Variants in ABCG5 observed in about 807,000 individuals in gnomAD.
ABCG5 encodes ATP-binding cassette sub-family G member 5.
ABCG5 carries 64 observed loss-of-function variants against 64.5 expected under a neutral mutation model. That is an observed-to-expected ratio of 0.99 (90% CI 0.81 to 1.22). The LOEUF is 1.22. Ranked by LOEUF, ABCG5 falls within the 50% of genes most tolerant of loss-of-function variation. The probability of loss-of-function intolerance (pLI) is 0.00; values close to 1 mark genes in which losing one functional copy is unlikely to be tolerated. For synonymous variants in ABCG5, 385 were observed against 326.3 expected (o/e 1.18, Z -1.94); for missense variants, 908 against 829.5 (o/e 1.09, Z -1.16).
downstream of ABCG5, chr2:43,809,813 A>T (rs762046678): frequency 4.5e-6 from 7 of 1,566,044 alleles, no homozygotes; most frequent in Non-Finnish European, 5.2e-6. Context: ...TCCAAATACA[A>T]ATAAGATTAT....
chr2:43,825,220 ATC>A (rs1667522035), intron 6 of ABCG5, among the ~76,000 whole-genome samples: 1 of 152,118 alleles, frequency 6.6e-6, no homozygotes, highest in Non-Finnish European at 1.5e-5. Context: ...TTCGAAATGC[ATC>A]CCTACCCTTG....
chr2:43,829,843 G>T lies in ABCG5; in HGVS notation c.502-1728C>A, dbSNP rs77663628. ...TGACTTGTGGACCAACATTCAAGAG[G>T]AGTCAGGGAGTGGGGTTGACGGCAT... On this transcript the variant is annotated intron_variant, in intron 4 of 12. Coordinates refer to ENST00000405322, the MANE Select transcript of ABCG5 (RefSeq NM_022436.3). Among the ~76,000 whole-genome samples the T allele has an allele frequency of 1.8e-4, 27 of 152,340 alleles. No individual in the cohort carries two copies. In the East Asian group the frequency reaches 4.8e-3, roughly 27 times the overall value.
Position 43,831,827 on chromosome 2 carries a change from A to G in ABCG5, c.443T>C (p.Leu148Pro), listed in dbSNP as rs1301290696. The G allele has an allele frequency of 6.3e-7, 1 of 1,587,772 alleles. No homozygotes were observed. The highest frequency in any genetic ancestry group is 1.3e-5 in the African/African-American group (1 of 74,654). Residue 148 changes from leucine to proline, a missense_variant, in exon 4 of 13, where the codon CTG (leucine) becomes CCG (proline). Transcript: ENST00000405322. ...LLSSLTVRETLHYTALLAIRR... is the reference protein window; with the variant it reads ...LLSSLTVRETPHYTALLAIRR... ...GATGGCCAGCAGCGCGGTGTAGTGCAGCGTCTCGCGCACGGTGAGGCTGCT... is the reference window on the plus strand; with the variant it reads ...GATGGCCAGCAGCGCGGTGTAGTGCGGCGTCTCGCGCACGGTGAGGCTGCT...
rs370772513 is a variant in ABCG5, at chr2:43,813,151, C to G, written c.1921G>C (p.Val641Leu). The stretch of plus-strand genomic sequence containing the variant: ...ATGAGATGATCCCTTATTTTGAAAA[C>G]AACTATTCCTAGGATGACAAGAGCT... ...IPALVILGIV[V>L]FKIRDHLISR is the part of the protein sequence containing the mutation. The change falls in exon 13 of 13, where the codon GTT (valine) becomes CTT (leucine). Residue 641 changes from valine to leucine, a missense_variant. By Grantham distance (32) the Val-to-Leu change is conservative. Coordinates refer to ENST00000405322, the MANE Select transcript of ABCG5 (RefSeq NM_022436.3). 6.9e-7 allele frequency: 1 copy of G among 1,457,440 alleles called. No homozygotes were observed. 90.3% of individuals were successfully genotyped at this position (1,457,440 alleles called of 1,614,324 possible).
chr2:43,825,056 A>G, intron 6 of ABCG5, 38 bp from the exon 7 acceptor site: 1 of 1,609,452 alleles, frequency 6.2e-7, no homozygotes, highest in Non-Finnish European at 8.5e-7. Flanking sequence ...TGTGATCACA[A>G]GGGTAGCGAT....
intron 9 of ABCG5, among the ~76,000 whole-genome samples, chr2:43,823,239 G>C (rs1667359970): frequency 6.6e-6 from 1 of 152,112 alleles, no homozygotes; most frequent in Admixed American, 6.5e-5. Context: ...TAAGTGATTT[G>C]AAGCACTTTG....
chr2:43,808,530 C>A (rs1410409917), downstream of ABCG5, among the ~76,000 whole-genome samples: 5 of 152,168 alleles, frequency 3.3e-5, no homozygotes, highest in Admixed American at 2.6e-4. Flanking sequence ...CATTGAACAA[C>A]ATGTAGGAGG....
chr2:43,837,744 G>A (rs1668369969), intron 2 of ABCG5, 90 bp downstream of exon 2: 2 of 1,559,000 alleles, frequency 1.3e-6, no homozygotes, highest in South Asian at 2.2e-5. Context: ...TATCAAACCT[G>A]TGGCTTTCTT....
chr2:43,826,484 G>A lies in ABCG5; in HGVS notation c.672C>T (p.Asp224=). ...CGACAATCTGATTAGCAGTCATGCAGTCCAGGCCTGTGGTTGGCTCATCAA... is the reference window on the plus strand; with the variant it reads ...CGACAATCTGATTAGCAGTCATGCAATCCAGGCCTGTGGTTGGCTCATCAA... ...MLFDEPTTGL[D]CMTANQIVVL... is the part of the protein sequence containing the mutation. The change falls in exon 6 of 13, where the codon GAC becomes GAT. Residue 224 remains aspartate (D), a synonymous_variant. Transcript: ENST00000405322. 1 of 1,614,188 alleles carries A rather than the reference G, an allele frequency of 6.2e-7. No homozygotes were observed. Among genetic ancestry groups the A allele is most frequent in the Admixed American group, 1.7e-5 (1 of 60,024 alleles).
chr2:43,828,734 G>C (rs2104848320), intron 4 of ABCG5, among the ~76,000 whole-genome samples: 1 of 152,148 alleles, frequency 6.6e-6, no homozygotes, highest in African/African-American at 2.4e-5. Flanking sequence ...GGGAGGTCGA[G>C]GTGGGTGGAT....
chr2:43,808,989 A>C (rs1666378573), downstream of ABCG5, among the ~76,000 whole-genome samples: 1 of 151,806 alleles, frequency 6.6e-6, no homozygotes, highest in South Asian at 2.1e-4. Context: ...ACACACACAC[A>C]CACACACACA....
intron 4 of ABCG5, among the ~76,000 whole-genome samples, chr2:43,831,166 AATTT>A (rs1384977617): frequency 6.6e-6 from 1 of 152,140 alleles, no homozygotes; most frequent in African/African-American, 2.4e-5. Flanking sequence ...TACTTTTTGA[AATTT>A]ATTTATTTAT....
chr2:43,807,685 C>T (rs1443851024), downstream of ABCG5, among the ~76,000 whole-genome samples: 1 of 125,254 alleles, frequency 8.0e-6, no homozygotes, highest in Non-Finnish European at 1.6e-5. Flanking sequence ...TCCCAAAGTG[C>T]TGGGATTACA....
At chr2:43,837,439 G>A (rs1668348457) in intron 2 of ABCG5, among the ~76,000 whole-genome samples, 1 of 152,082 alleles carries the variant, frequency 6.6e-6, no homozygotes, top group Non-Finnish European at 1.5e-5. Context: ...ATTCTTGATT[G>A]TATGTCCAAA....
chr2:43,831,803 A>G lies in ABCG5; in HGVS notation c.467T>C (p.Ile156Thr). Residue 156 changes from isoleucine to threonine, a missense_variant, in exon 4 of 13, where the codon ATC becomes ACC. By Grantham distance (89) the Ile-to-Thr change is moderately conservative. Transcript: ENST00000405322. ...GAAGGAGCCGGGATTGCCGCGGCGG[A>G]TGGCCAGCAGCGCGGTGTAGTGCAG... ...ETLHYTALLA[I>T]RRGNPGSFQK... 1 of 1,589,308 alleles carries G rather than the reference A, an allele frequency of 6.3e-7. No homozygotes were observed. The highest frequency in any genetic ancestry group is 8.5e-7 in the Non-Finnish European group (1 of 1,170,188).
At chr2:43,828,171 T>A (rs1252746506) in intron 4 of ABCG5, 56 bp from the exon 5 acceptor site, 27 of 1,611,458 alleles carry the variant, frequency 1.7e-5, no homozygotes, top group Non-Finnish European at 2.3e-5. Context: ...GCTATTTCAA[T>A]TCATGGGCTG....
chr2:43,838,808 G>C lies in ABCG5; in HGVS notation c.-129C>G. 6.6e-7 allele frequency: 1 copy of C among 1,519,642 alleles called. No homozygotes were observed. Among genetic ancestry groups the C allele is most frequent in the South Asian group, 1.2e-5 (1 of 82,242 alleles). The allele number at this position is 1,519,642 out of a possible 1,614,324, so 94.1% of individuals were successfully genotyped here. Reference sequence around the variant, plus strand: ...GACCCCGGAGTCCCTTGGGACAGCAGGACTGGGACTTGGCCACGGAGACCA... The same window carrying C: ...GACCCCGGAGTCCCTTGGGACAGCACGACTGGGACTTGGCCACGGAGACCA... On this transcript the variant is annotated 5_prime_UTR_variant, in exon 1 of 13. Transcript: ENST00000405322. The surrounding 1 kb of genome is among the most constrained non-coding windows in gnomAD (Gnocchi z 4.2).
downstream of ABCG5, chr2:43,810,299 A>G (rs1666438031): frequency 8.6e-6 from 8 of 931,044 alleles, no homozygotes; most frequent in Middle Eastern, 1.1e-3. Flanking sequence ...GTGGTCTGGA[A>G]TGGGGCATTT....
chr2:43,825,012 C>A lies in ABCG5; in HGVS notation c.781G>T (p.Asp261Tyr). 1 of 1,613,662 alleles carries A rather than the reference C, an allele frequency of 6.2e-7. No individual in the cohort carries two copies. Among genetic ancestry groups the A allele is most frequent in the South Asian group, 1.1e-5 (1 of 90,950 alleles). ...CCGAAGCTCAGGATGGCAATTTTGTCAAAGAGCTGACCAGACAACAGACGT... is the reference window on the plus strand; with the variant it reads ...CCGAAGCTCAGGATGGCAATTTTGTAAAAGAGCTGACCAGACAACAGACGT... ...QPRSELFQLF[D>Y]KIAILSFGEL... The change falls in exon 7 of 13, where the codon GAC becomes TAC. Residue 261 changes from aspartate (D) to tyrosine (Y), a missense_variant. By Grantham distance (160) the Asp-to-Tyr change is radical. Coordinates refer to ENST00000405322, the MANE Select transcript of ABCG5 (RefSeq NM_022436.3).
Sources: gnomAD v4.1 joint callset for allele counts (sites outside exome capture counted in the v4.1 genomes callset) on GRCh38, gnomAD v4.1.1 for gene constraint, Gnocchi (gnomAD v3.1) non-coding constraint, MANE v1.5 for transcripts, NCBI Gene and HGNC (gene_info 2026-07-23, HGNC 2026-07-21) for gene names.